The following FHAD1 variants were observed in gnomAD, a reference collection of about 807,000 sequenced individuals.
The protein encoded by FHAD1 is forkhead-associated domain-containing protein 1.
A neutral mutation model predicts 191.3 loss-of-function variants in FHAD1; 146 were observed. The ratio of observed to expected loss-of-function variants is 0.76; its 90% confidence interval spans 0.67 to 0.88. The LOEUF (loss-of-function observed/expected upper bound fraction) is 0.88, where lower values mean the gene tolerates loss of function less well. Ranked by LOEUF, FHAD1 falls within the 40% of genes least tolerant of loss-of-function variation. The pLI is 0.00. For missense variants in FHAD1, 1,635 were observed against 1,785.8 expected, an observed-to-expected ratio of 0.92 and a Z score of 1.52; for synonymous variants, 616 against 672.3, an observed-to-expected ratio of 0.92 and a Z score of 1.29.
intron 6 of FHAD1, among the ~76,000 whole-genome samples, chr1:15,306,941 C>T (rs368309580): frequency 1.7e-3 from 253 of 152,312 alleles, no homozygotes; most frequent in African/African-American, 5.6e-3. Flanking sequence ...AGAGGGCCCC[C>T]GTCCTCCAGA....
intron 4 of FHAD1, among the ~76,000 whole-genome samples, chr1:15,293,698 G>GAA (rs1665892085): frequency 6.6e-6 from 1 of 151,994 alleles, no homozygotes; most frequent in Admixed American, 6.6e-5. Context: ...AGCCTGGGCG[G>GAA]ACAGAGCAAG....
At chr1:15,274,133 C>A (rs933761787) in intron 3 of FHAD1, among the ~76,000 whole-genome samples, 1 of 152,164 alleles carries the variant, frequency 6.6e-6, no homozygotes, top group Non-Finnish European at 1.5e-5. Context: ...TTTGCTTATC[C>A]GTTCTTCCAT....
At chr1:15,380,645 C>A in intron 28 of FHAD1, 56 bp from the exon 29 acceptor site, 2 of 1,382,092 alleles carry the variant, frequency 1.4e-6, no homozygotes, top group South Asian at 1.2e-5. Context: ...AGCTTCCAGT[C>A]ATAGAAAGTC....
intron 14 of FHAD1, among the ~76,000 whole-genome samples, chr1:15,331,230 C>A (rs1681230650): frequency 1.3e-5 from 2 of 152,012 alleles, no homozygotes; most frequent in Non-Finnish European, 2.9e-5. Flanking sequence ...CAAGAGACAG[C>A]TGTTTCCCCA....
At chr1:15,255,132 C>A (rs28590101) in intron 2 of FHAD1, among the ~76,000 whole-genome samples, 87,224 of 149,696 alleles carry the variant, frequency 0.58, 25,798 homozygotes, top group East Asian at 0.69. Context: ...AAAAAGTCAG[C>A]TGTGAAATTA....
chr1:15,397,020 T>TAAAAAAAAAAAAA (rs5772637), intron 33 of FHAD1, among the ~76,000 whole-genome samples: 78 of 115,904 alleles, frequency 6.7e-4, no homozygotes, highest in African/African-American at 2.6e-3. Context: ...CCGTCTCTAC[T>TAAAAAAAAAAAAA]AAAAAAAAAA....
Position 15,328,275 on chromosome 1 carries a change from A to G in FHAD1, c.1558-2A>G, listed in dbSNP as rs1436530795. 1 of 1,413,152 alleles carries G rather than the reference A, an allele frequency of 7.1e-7. No homozygotes were observed. The highest frequency in any genetic ancestry group is 2.7e-5 in the East Asian group (1 of 36,574). 87.5% of individuals were successfully genotyped at this position (1,413,152 alleles called of 1,614,324 possible). Reference sequence around the variant, plus strand: ...TTTTTTCCTTTTTCTTTTTCTCACCAGTTAATAGAGAAAATTACCCAGGTC... The same window carrying G: ...TTTTTTCCTTTTTCTTTTTCTCACCGGTTAATAGAGAAAATTACCCAGGTC... On this transcript the variant is annotated splice_acceptor_variant, in intron 12 of 33. Transcript: ENST00000688493. LOFTEE classifies it high-confidence loss of function.
intron 20 of FHAD1, among the ~76,000 whole-genome samples, chr1:15,355,208 C>CAAAA (rs58614945): frequency 9.9e-6 from 1 of 100,654 alleles, no homozygotes. Flanking sequence ...GACTCCTTCT[C>CAAAA]AAAAAAAAAA....
At position 15,381,394 on chromosome 1, in the gene FHAD1, A is replaced by G. The variant is rs1700865194; in HGVS notation, c.3965A>G (p.Gln1322Arg). The part of the protein sequence containing the change: ...VFDKITQLKN[Q>R]LGRKEELLRG... ...GATAAGATCACCCAACTCAAGAACC[A>G]GCTGGGGAGGAAAGAGGAGCTGTTG... The change falls in exon 30 of 34, where the codon CAG becomes CGG. Residue 1322 changes from glutamine (Q) to arginine (R), a missense_variant. Transcript: ENST00000688493. The surrounding 1 kb of genome is among the most constrained non-coding windows in gnomAD (Gnocchi z 4.6). 1 of 1,551,710 alleles carries G rather than the reference A, an allele frequency of 6.4e-7. No homozygotes were observed. Among genetic ancestry groups the G allele is most frequent in the Non-Finnish European group, 8.7e-7 (1 of 1,147,022 alleles).
Position 15,374,618 on chromosome 1 carries a change from G to A in FHAD1, c.3564G>A (p.Lys1188=). Reference sequence around the variant, plus strand: ...GAGCGCGAATTAAAGAACTCGAGAAGGCGCGCTCACCAGGTAAGTCTCCTC... The same window carrying A: ...GAGCGCGAATTAAAGAACTCGAGAAAGCGCGCTCACCAGGTAAGTCTCCTC... ...ELRARIKELE[K]ARSPDHKDHQ... is the part of the protein sequence containing the mutation. The change falls in exon 27 of 34, where the codon AAG becomes AAA. Residue 1188 remains lysine (K), a synonymous_variant. Coordinates refer to ENST00000688493, the MANE Select transcript of FHAD1 (RefSeq NM_001391957.1). The A allele has an allele frequency of 6.4e-7, 1 of 1,551,466 alleles. No homozygotes were observed. The highest frequency in any genetic ancestry group is 8.7e-7 in the Non-Finnish European group (1 of 1,146,966).
intron 4 of FHAD1, among the ~76,000 whole-genome samples, chr1:15,293,301 A>G (rs773408254): frequency 2.6e-5 from 4 of 152,150 alleles, no homozygotes; most frequent in Non-Finnish European, 5.9e-5. Context: ...TTTTTCCACC[A>G]TGGATTAGAG....
intron 3 of FHAD1, among the ~76,000 whole-genome samples, chr1:15,278,377 C>T (rs78885265): frequency 0.011 from 1,605 of 152,152 alleles, 15 homozygotes; most frequent in Non-Finnish European, 0.016. Flanking sequence ...GAATGAATGC[C>T]CCCACTATCT....
At chr1:15,303,272 C>T (rs1483560459) in intron 6 of FHAD1, among the ~76,000 whole-genome samples, 2 of 152,178 alleles carry the variant, frequency 1.3e-5, no homozygotes, top group African/African-American at 4.8e-5. Context: ...GGAGCTGGTC[C>T]TATAGGAAAT....
chr1:15,271,200 C>G (rs1408597232), intron 2 of FHAD1, among the ~76,000 whole-genome samples: 1 of 150,504 alleles, frequency 6.6e-6, no homozygotes, highest in Admixed American at 6.7e-5. Flanking sequence ...GTAGTCCCAG[C>G]TACTCGGGAG....
chr1:15,277,692 G>C (rs1470552798), intron 3 of FHAD1, among the ~76,000 whole-genome samples: 1 of 152,074 alleles, frequency 6.6e-6, no homozygotes, highest in Non-Finnish European at 1.5e-5. Context: ...ATATCGTGTG[G>C]GTAGAAATGA....
chr1:15,391,715 T>C (rs542194609), intron 33 of FHAD1, among the ~76,000 whole-genome samples: 102 of 152,312 alleles, frequency 6.7e-4, no homozygotes, highest in Non-Finnish European at 1.2e-3. Flanking sequence ...GACAACAAAA[T>C]TGTCATTGGA....
chr1:15,245,970 T>C (rs892335714), upstream of FHAD1, among the ~76,000 whole-genome samples: 1 of 152,196 alleles, frequency 6.6e-6, no homozygotes, highest in Non-Finnish European at 1.5e-5. Context: ...GGTGTATTAG[T>C]CTGTTCTCAC....
intron 3 of FHAD1, among the ~76,000 whole-genome samples, chr1:15,284,926 A>C (rs1239530033): frequency 8.0e-6 from 1 of 125,322 alleles, no homozygotes; most frequent in Non-Finnish European, 1.8e-5. Context: ...AAGAGGAGGA[A>C]AGAAAGAAAG....
At chr1:15,271,140 G>GAA (rs543401814) in intron 2 of FHAD1, among the ~76,000 whole-genome samples, 30,185 of 75,858 alleles carry the variant, frequency 0.4, 6,525 homozygotes, top group East Asian at 0.51. Context: ...CTCCATCTCG[G>GAA]AAAAAAAAAA....
Sources: allele counts gnomAD v4.1 joint callset (sites outside exome capture counted in the v4.1 genomes callset), GRCh38; gene constraint gnomAD v4.1.1; non-coding constraint Gnocchi (gnomAD v3.1); transcripts MANE v1.5; gene names NCBI Gene and HGNC (gene_info 2026-07-23, HGNC 2026-07-21).